The following PRKAR2B variants were observed in gnomAD, a reference collection of about 807,000 sequenced individuals.
PRKAR2B encodes cAMP-dependent protein kinase type II-beta regulatory subunit.
A neutral mutation model predicts 49.9 loss-of-function variants in PRKAR2B; 14 were observed. The observed-to-expected ratio is 0.28, with a 90% CI of 0.19 to 0.44. The LOEUF (loss-of-function observed/expected upper bound fraction) is 0.44. Among genes scored for constraint, PRKAR2B ranks in the 20% least tolerant of loss-of-function variants. The pLI, the probability that PRKAR2B is intolerant of heterozygous loss-of-function variation, is 1.00. For synonymous variants in PRKAR2B, 196 were observed against 197.7 expected (o/e 0.99, Z 0.07); for missense variants, 393 against 537.9 (o/e 0.73, Z 2.67).
chr7:107,062,615 T>G (rs942853922), intron 1 of PRKAR2B, among the ~76,000 whole-genome samples: 6 of 152,236 alleles, frequency 3.9e-5, no homozygotes, highest in African/African-American at 1.4e-4. Context: ...AAATGTTTTA[T>G]ATCTTGATTG....
At chr7:107,117,206 T>C (rs1795291734) in intron 2 of PRKAR2B, among the ~76,000 whole-genome samples, 1 of 152,010 alleles carries the variant, frequency 6.6e-6, no homozygotes, top group African/African-American at 2.4e-5. Context: ...GATGCATGCC[T>C]TCAACTAATA....
chr7:107,098,271 A>G (rs977261537), intron 2 of PRKAR2B, among the ~76,000 whole-genome samples: 1 of 152,108 alleles, frequency 6.6e-6, no homozygotes, highest in Non-Finnish European at 1.5e-5. Context: ...ATCTTCAGTC[A>G]CTGATACCCT....
intron 2 of PRKAR2B, among the ~76,000 whole-genome samples, chr7:107,080,908 TG>T (rs1794503084): frequency 6.6e-6 from 1 of 152,194 alleles, no homozygotes; most frequent in South Asian, 2.1e-4. Context: ...ATTTATTAGC[TG>T]TGTGACCTTG....
intron 1 of PRKAR2B, among the ~76,000 whole-genome samples, chr7:107,059,268 C>G (rs776835916): frequency 1.4e-5 from 2 of 141,636 alleles, no homozygotes; most frequent in Non-Finnish European, 3.0e-5. Context: ...GACTCTGTCT[C>G]AAAAAAAGAA....
At chr7:107,066,729 C>G (rs552392193) in intron 1 of PRKAR2B, 23 of 152,020 alleles carry the variant, frequency 1.5e-4, no homozygotes, top group African/African-American at 5.3e-4. Context: ...CCACCACGCC[C>G]GGCTAATTTT....
At chr7:107,086,073 G>A (rs1413260864) in intron 2 of PRKAR2B, among the ~76,000 whole-genome samples, 1 of 152,170 alleles carries the variant, frequency 6.6e-6, no homozygotes, top group African/African-American at 2.4e-5. Flanking sequence ...CTGTTAATTT[G>A]CTAGCTCAGT....
At chr7:107,125,692 C>CTT (rs1795468693) in intron 3 of PRKAR2B, among the ~76,000 whole-genome samples, 1 of 152,070 alleles carries the variant, frequency 6.6e-6, no homozygotes, top group Non-Finnish European at 1.5e-5. Flanking sequence ...AGAGTGGACT[C>CTT]TGAGTGCTGA....
intron 4 of PRKAR2B, among the ~76,000 whole-genome samples, chr7:107,135,240 A>G (rs889134396): frequency 2.6e-5 from 4 of 152,184 alleles, no homozygotes; most frequent in African/African-American, 4.8e-5. Context: ...CAAAACTACA[A>G]TGAAATACCA....
At chr7:107,117,105 C>T (rs1045140899) in intron 2 of PRKAR2B, among the ~76,000 whole-genome samples, 4 of 149,970 alleles carry the variant, frequency 2.7e-5, no homozygotes, top group Admixed American at 2.0e-4. Flanking sequence ...ACAGAAATAC[C>T]GTATATCTGT....
chr7:107,108,675 T>C (rs764679929), intron 2 of PRKAR2B, among the ~76,000 whole-genome samples: 5 of 152,250 alleles, frequency 3.3e-5, no homozygotes, highest in Non-Finnish European at 5.9e-5. Context: ...GGAATGATGA[T>C]TGGCTCTAAA....
intron 3 of PRKAR2B, 48 bp downstream of exon 3, chr7:107,122,052 T>C: frequency 8.0e-7 from 1 of 1,243,690 alleles, no homozygotes; most frequent in Non-Finnish European, 1.1e-6. Context: ...GCCCTTGTCA[T>C]ATATAAGGAA....
chr7:107,093,789 G>C (rs1278418901), intron 2 of PRKAR2B, among the ~76,000 whole-genome samples: 1 of 151,714 alleles, frequency 6.6e-6, no homozygotes, highest in Non-Finnish European at 1.5e-5. Flanking sequence ...GCGATAGTTT[G>C]CTCAGAATGA....
intron 2 of PRKAR2B, among the ~76,000 whole-genome samples, chr7:107,080,229 C>G (rs991320254): frequency 3.9e-5 from 6 of 152,026 alleles, no homozygotes; most frequent in Non-Finnish European, 5.9e-5. Context: ...GGAGCCACAG[C>G]GTGCCCTCAC....
At chr7:107,126,270 C>G (rs1213498390) in intron 3 of PRKAR2B, among the ~76,000 whole-genome samples, 1 of 115,828 alleles carries the variant, frequency 8.6e-6, no homozygotes, top group East Asian at 2.5e-4. Flanking sequence ...AAAAAAAAAA[C>G]CAAAGCCAGG....
At chr7:107,159,210 A>G (rs1796151967) in intron 10 of PRKAR2B, among the ~76,000 whole-genome samples, 1 of 152,126 alleles carries the variant, frequency 6.6e-6, no homozygotes. Context: ...CCTCCCACCA[A>G]CTTAGCATTG....
chr7:107,048,312 T>C (rs1793736297), intron 1 of PRKAR2B, among the ~76,000 whole-genome samples: 1 of 152,302 alleles, frequency 6.6e-6, no homozygotes, highest in South Asian at 2.1e-4. Flanking sequence ...CTTACTCTTA[T>C]GTATCTAACC....
intron 3 of PRKAR2B, among the ~76,000 whole-genome samples, chr7:107,126,602 T>C (rs1489870066): frequency 6.6e-6 from 1 of 151,942 alleles, no homozygotes; most frequent in Non-Finnish European, 1.5e-5. Context: ...CACTCTCCTC[T>C]CCCCCCTTTC....
At chr7:107,077,062 A>G (rs1794412639) in intron 2 of PRKAR2B, among the ~76,000 whole-genome samples, 1 of 152,096 alleles carries the variant, frequency 6.6e-6, no homozygotes, top group Non-Finnish European at 1.5e-5. Context: ...ACAGCTTTTA[A>G]CCCCCAAACT....
chr7:107,055,340 G>T (rs1584402265), intron 1 of PRKAR2B, among the ~76,000 whole-genome samples: 1 of 152,152 alleles, frequency 6.6e-6, no homozygotes. Context: ...TAATGGGATG[G>T]CTGGGTCAAA....
Sources: gnomAD v4.1 joint callset for allele counts (sites outside exome capture counted in the v4.1 genomes callset) on GRCh38, gnomAD v4.1.1 for gene constraint, MANE v1.5 for transcripts, NCBI Gene and HGNC (gene_info 2026-07-23, HGNC 2026-07-21) for gene names.